Variants in LARP4B observed in about 807,000 individuals in gnomAD.
LARP4B encodes la-related protein 4B.
In LARP4B, 12 loss-of-function variants were observed where a neutral mutation model predicts 89.8. The observed-to-expected ratio is 0.13, with a 90% CI of 0.09 to 0.22. The LOEUF (loss-of-function observed/expected upper bound fraction) is 0.22. Among genes scored for constraint, LARP4B ranks in the 10% least tolerant of loss-of-function variants. LARP4B has a pLI of 1.00. For missense variants in LARP4B, 757 were observed against 947.7 expected, an observed-to-expected ratio of 0.80 and a Z score of 2.64; for synonymous variants, 367 against 363.3, an observed-to-expected ratio of 1.01 and a Z score of -0.12.
rs1832138271 is a variant in LARP4B, at chr10:817,742, C to T, written c.1678G>A (p.Gly560Arg). ...FENRLSSLII[G>R]PSKERTLSAD... ...TCCCTTACCCTTTCTTTGGATGGTC[C>T]TATTATCAAGCTAGATAGCCTGTTT... The change falls in exon 15 of 18, where the codon GGA (glycine) becomes AGA (arginine). Residue 560 changes from glycine to arginine, a missense_variant. By Grantham distance (125) the Gly-to-Arg change is moderately radical. Around this residue, in one of 5 missense-constraint regions of LARP4B, gnomAD observed 387 missense variants for 423.6 expected, o/e 0.91. Coordinates refer to ENST00000316157, the MANE Select transcript of LARP4B (RefSeq NM_015155.3). 2 of 1,614,136 alleles carry T rather than the reference C, an allele frequency of 1.2e-6. No homozygotes were observed. Among genetic ancestry groups the T allele is most frequent in the Non-Finnish European group, 1.7e-6 (2 of 1,179,994 alleles).
chr10:961,321 C>T, the LARP4B span, among the ~76,000 whole-genome samples: 3,544 of 152,304 alleles, frequency 0.023, 106 homozygotes, highest in African/African-American at 0.066. Context: ...CACGGTTCTG[C>T]GGGCTGTACA....
upstream of LARP4B, among the ~76,000 whole-genome samples, chr10:936,328 T>C (rs1340515707): frequency 6.6e-6 from 1 of 151,832 alleles, no homozygotes. Flanking sequence ...CCAAGCCAAC[T>C]TAAGAAGGAA....
rs377559769 is a variant in LARP4B at position 909,080 on chromosome 10, G to A, written c.-40+22348C>T. On this transcript the variant is annotated intron_variant, in intron 1 of 17. Transcript: ENST00000316157. ...GAGGCTGAGGCGGGCAGATCACAAG[G>A]TCAGGAGATCAAGATCATCCTGGCT... Among the ~76,000 whole-genome samples, 3 of 151,888 alleles carry A rather than the reference G, an allele frequency of 2.0e-5. No individual in the cohort carries two copies. The South Asian group carries it at 6.2e-4, about 31-fold the overall frequency.
chr10:976,811 C>T, the LARP4B span, among the ~76,000 whole-genome samples: 3 of 150,058 alleles, frequency 2.0e-5, no homozygotes, highest in Admixed American at 6.7e-5. Context: ...TGTGTGGACC[C>T]GGCCTAGTAG....
intron 1 of LARP4B, among the ~76,000 whole-genome samples, chr10:895,944 T>C (rs1214813149): frequency 1.3e-5 from 2 of 152,228 alleles, no homozygotes; most frequent in Non-Finnish European, 2.9e-5. Context: ...TTATTACACG[T>C]CTTCATAAAA....
chr10:924,072 C>CA (rs200743796), intron 1 of LARP4B, among the ~76,000 whole-genome samples: 3,745 of 151,236 alleles, frequency 0.025, 152 homozygotes, highest in African/African-American at 0.084. Context: ...GCCACCTCTA[C>CA]AAAAAAAAAT....
chr10:966,085 TATGA>T, the LARP4B span, among the ~76,000 whole-genome samples: 1 of 51,414 alleles, frequency 1.9e-5, no homozygotes, highest in African/African-American at 4.7e-5. Context: ...TGTGTGTGTG[TATGA>T]GATTTTATTT....
chr10:894,712 C>T (rs1258642458), intron 1 of LARP4B, among the ~76,000 whole-genome samples: 1 of 152,104 alleles, frequency 6.6e-6, no homozygotes, highest in Non-Finnish European at 1.5e-5. Flanking sequence ...AACTAAAAGA[C>T]TCATGAATAA....
At chr10:983,715 T>C in the LARP4B span, among the ~76,000 whole-genome samples, 1 of 152,146 alleles carries the variant, frequency 6.6e-6, no homozygotes, top group African/African-American at 2.4e-5. Context: ...TCCAAACACC[T>C]TAACACTGGG....
chr10:961,650 A>C, the LARP4B span, among the ~76,000 whole-genome samples: 1 of 152,290 alleles, frequency 6.6e-6, no homozygotes, highest in South Asian at 2.1e-4. Flanking sequence ...GGGAAGGTCC[A>C]CTCATGGCAG....
chr10:823,667 G>A (rs904086972), intron 13 of LARP4B, among the ~76,000 whole-genome samples: 3 of 151,654 alleles, frequency 2.0e-5, no homozygotes, highest in African/African-American at 7.3e-5. Context: ...GGAGCCACAT[G>A]GCCTTGATGA....
At chr10:943,132 A>G in the LARP4B span, among the ~76,000 whole-genome samples, 2 of 152,064 alleles carry the variant, frequency 1.3e-5, no homozygotes, top group Non-Finnish European at 2.9e-5. Flanking sequence ...ATTTTAGCAG[A>G]GACAGGGTTT....
At chr10:835,805 C>T (rs1038677143) in intron 8 of LARP4B, among the ~76,000 whole-genome samples, 23 of 152,078 alleles carry the variant, frequency 1.5e-4, no homozygotes, top group African/African-American at 3.9e-4. Flanking sequence ...CAGCGACAGG[C>T]GCCTGTAATC....
At chr10:855,064 T>A (rs1336736675) in intron 5 of LARP4B, among the ~76,000 whole-genome samples, 7 of 152,192 alleles carry the variant, frequency 4.6e-5, no homozygotes, top group Non-Finnish European at 8.8e-5. Context: ...CTTCCTCACC[T>A]CTCAGCCTTC....
chr10:910,903 A>ACCCTGCTTGAGCACTCCCGTC (rs1331613194), intron 1 of LARP4B, among the ~76,000 whole-genome samples: 11 of 152,140 alleles, frequency 7.2e-5, no homozygotes, highest in Non-Finnish European at 1.6e-4. Flanking sequence ...GGTCCCCCGT[A>ACCCTGCTTGAGCACTCCCGTC]CCCTGCTTGA....
chr10:973,866 ATT>A, the LARP4B span, among the ~76,000 whole-genome samples: 1 of 152,164 alleles, frequency 6.6e-6, no homozygotes, highest in African/African-American at 2.4e-5. Flanking sequence ...AGAAAAGTGC[ATT>A]CTCTCAGGAT....
downstream of LARP4B, chr10:808,899 T>A (rs1831642631): frequency 6.6e-6 from 1 of 152,198 alleles, no homozygotes; most frequent in South Asian, 2.1e-4. Flanking sequence ...CCGTAAAAGA[T>A]ACTATTCTAA....
At chr10:876,972 C>A (rs1361780736) in intron 3 of LARP4B, among the ~76,000 whole-genome samples, 1 of 152,118 alleles carries the variant, frequency 6.6e-6, no homozygotes, top group African/African-American at 2.4e-5. Context: ...CTTCTGGAGC[C>A]GCAGCTCAAG....
intron 3 of LARP4B, among the ~76,000 whole-genome samples, chr10:882,248 A>C (rs1019134784): frequency 6.6e-6 from 1 of 152,192 alleles, no homozygotes; most frequent in Non-Finnish European, 1.5e-5. Flanking sequence ...ATTATACTTT[A>C]ATAAAGTTTT....
Sources: gnomAD v4.1 joint callset for allele counts (sites outside exome capture counted in the v4.1 genomes callset) on GRCh38, gnomAD v4.1.1 for gene constraint, gnomAD v4.1.1 regional missense constraint, MANE v1.5 for transcripts, NCBI Gene and HGNC (gene_info 2026-07-23, HGNC 2026-07-21) for gene names.